ELK3: variants seen among roughly 807,000 people sequenced by gnomAD.
ELK3 encodes ETS transcription factor ELK3.
In ELK3, 10 loss-of-function variants were observed where a neutral mutation model predicts 28.9. The observed-to-expected ratio is 0.35, with a 90% CI of 0.21 to 0.59. The LOEUF is 0.59. ELK3 is among the 20% of genes least tolerant of loss of function. The pLI is 0.82. For synonymous variants in ELK3, 272 were observed against 243.5 expected (o/e 1.12, Z -1.09); for missense variants, 463 against 517.3 (o/e 0.90, Z 1.02).
rs1952054522 is a variant in ELK3 at position 96,268,092 on chromosome 12, T to G, written c.*912T>G. 6.6e-6 allele frequency: 1 copy of G among 152,246 alleles called. No homozygotes were observed. 9.4% of individuals were successfully genotyped at this position (152,246 alleles called of 1,614,324 possible). A position where few individuals can be genotyped will look rare whatever the true frequency, so the allele number is the denominator to read the frequency against. ...GATATATTTACTGTGTCAGTATAAG[T>G]AAGTTGGGGTTCCCCTGGAACTATA... On this transcript the variant is annotated 3_prime_UTR_variant, in exon 5 of 5. Coordinates refer to ENST00000228741, the MANE Select transcript of ELK3 (RefSeq NM_005230.4).
intron 2 of ELK3, among the ~76,000 whole-genome samples, chr12:96,241,426 TTGTGTGTGTGTGTGTGTGTG>T (rs57658963): frequency 6.8e-6 from 1 of 146,348 alleles, no homozygotes; most frequent in African/African-American, 2.5e-5. Context: ...AGTGGAGCGT[TTGTGTGTGTGTGTGTGTGTG>T]TGTGTGTGTG....
At chr12:96,194,963 A>T (rs1359956174) in intron 1 of ELK3, among the ~76,000 whole-genome samples, 1 of 147,988 alleles carries the variant, frequency 6.8e-6, no homozygotes, top group Non-Finnish European at 1.5e-5. Context: ...GGCTGCGGGG[A>T]CCCTGCGCCC....
rs752949234 is a variant in ELK3 at position 96,247,456 on chromosome 12, C to T, written c.724C>T (p.Arg242Trp). The T allele has an allele frequency of 2.5e-6, 4 of 1,614,136 alleles. No individual in the cohort carries two copies. The highest frequency in any genetic ancestry group is 1.1e-5 in the South Asian group (1 of 91,076). ...TTCATCCGCCTCACCCTTCTCATCT[C>T]GGTCCCCGTCCCTGTCCCCCAACTC... The part of the protein sequence containing the change: ...SISSASPFSS[R>W]SPSLSPNSPL... Residue 242 changes from arginine (R) to tryptophan (W), a missense_variant, in exon 3 of 5, where the codon CGG (arginine) becomes TGG (tryptophan). Arg to Trp is a moderately radical substitution (Grantham distance 101). This residue lies in a region of ELK3 where 408 missense variants were observed against 414.8 expected (regional missense o/e 0.98). Coordinates refer to ENST00000228741, the MANE Select transcript of ELK3 (RefSeq NM_005230.4). The surrounding 1 kb of genome is among the most constrained non-coding windows in gnomAD (Gnocchi z 5.5).
chr12:96,209,905 G>A (rs1951564971), intron 1 of ELK3, among the ~76,000 whole-genome samples: 2 of 150,974 alleles, frequency 1.3e-5, no homozygotes, highest in South Asian at 4.2e-4. Flanking sequence ...TAGCTCACAC[G>A]ACTTTTTCTC....
intron 1 of ELK3, chr12:96,222,917 G>T (rs1353372602): frequency 1.9e-5 from 3 of 154,292 alleles, no homozygotes; most frequent in South Asian, 1.8e-4. Flanking sequence ...GAAGGCAAAA[G>T]GGGAGCAGGC....
chr12:96,264,265 G>A (rs1328112302), intron 4 of ELK3, among the ~76,000 whole-genome samples: 3 of 152,168 alleles, frequency 2.0e-5, no homozygotes, highest in Admixed American at 6.5e-5. Context: ...AGGATTACAG[G>A]TGTCAACGAC....
chr12:96,241,344 CTT>C (rs1271236089), intron 2 of ELK3, among the ~76,000 whole-genome samples: 1 of 151,906 alleles, frequency 6.6e-6, no homozygotes, highest in African/African-American at 2.4e-5. Context: ...AATTACAAAA[CTT>C]ATCGAAATAT....
chr12:96,243,291 A>T (rs1005686417), intron 2 of ELK3, among the ~76,000 whole-genome samples: 3 of 150,558 alleles, frequency 2.0e-5, no homozygotes, highest in Non-Finnish European at 3.0e-5. Context: ...CCTTCCTTCC[A>T]CCCCTCTCAG....
rs34644316 is a variant in ELK3, at chr12:96,267,572, C to T, written c.*392C>T. On this transcript the variant is annotated 3_prime_UTR_variant, in exon 5 of 5. Coordinates refer to ENST00000228741, the MANE Select transcript of ELK3 (RefSeq NM_005230.4). The stretch of plus-strand genomic sequence containing the variant: ...GACTATAACCAGTTGTGCCTTCCTT[C>T]GCATTTAATGTAAATGAATGATTTA... 0.052 allele frequency: 8,012 copies of T among 153,580 alleles called. 278 individuals are homozygous for T. The highest frequency in any genetic ancestry group is 0.064 in the Non-Finnish European group (4,378 of 68,702). The allele number at this position is 153,580 out of a possible 1,614,324, so 9.5% of individuals were successfully genotyped here.
At position 96,269,237 on chromosome 12, in the gene ELK3, A is replaced by T. The variant is rs866212710; in HGVS notation, c.*2057A>T. On this transcript the variant is annotated 3_prime_UTR_variant, in exon 5 of 5. Coordinates refer to ENST00000228741, the MANE Select transcript of ELK3 (RefSeq NM_005230.4). ...ATTAGTAAAACAAACAAAACAGATA[A>T]AGACAGCATTTAAAACTGTGTTGTC... The T allele has an allele frequency of 6.6e-6, 1 of 152,232 alleles. No individual in the cohort carries two copies. The highest frequency in any genetic ancestry group is 1.5e-5 in the Non-Finnish European group (1 of 68,046). The allele number at this position is 152,232 out of a possible 1,614,324, so 9.4% of individuals were successfully genotyped here. A position where few individuals can be genotyped will look rare whatever the true frequency, so the allele number is the denominator to read the frequency against.
chr12:96,210,455 G>A (rs1236465466), intron 1 of ELK3, among the ~76,000 whole-genome samples: 1 of 152,082 alleles, frequency 6.6e-6, no homozygotes, highest in African/African-American at 2.4e-5. Context: ...CTCATGATTC[G>A]TTTCGTGATG....
At chr12:96,203,978 T>C (rs1338258112) in intron 1 of ELK3, among the ~76,000 whole-genome samples, 1 of 152,154 alleles carries the variant, frequency 6.6e-6, no homozygotes, top group Non-Finnish European at 1.5e-5. Context: ...AAAGCTCCTC[T>C]ATGCCACTTC....
At chr12:96,266,837 T>C (rs1288292205) in intron 4 of ELK3, among the ~76,000 whole-genome samples, 1 of 152,228 alleles carries the variant, frequency 6.6e-6, no homozygotes, top group Non-Finnish European at 1.5e-5. Context: ...ATATATTTTT[T>C]CCTAGTAGCC....
intron 1 of ELK3, among the ~76,000 whole-genome samples, chr12:96,199,463 C>G (rs1403237038): frequency 6.8e-6 from 1 of 146,798 alleles, no homozygotes; most frequent in African/African-American, 2.6e-5. Context: ...TAGAGCAGCC[C>G]CAGTAAATAA....
At chr12:96,242,007 G>T (rs550152936) in intron 2 of ELK3, among the ~76,000 whole-genome samples, 21 of 152,318 alleles carry the variant, frequency 1.4e-4, no homozygotes, top group Non-Finnish European at 2.6e-4. Context: ...AGAGGGAAGC[G>T]GATGTGTGTA....
chr12:96,227,648 C>CG (rs1951713154), intron 2 of ELK3, among the ~76,000 whole-genome samples: 1 of 152,228 alleles, frequency 6.6e-6, no homozygotes, highest in Admixed American at 6.5e-5. Flanking sequence ...TGTGCCCATG[C>CG]GGTCAGGTTG....
intron 2 of ELK3, among the ~76,000 whole-genome samples, chr12:96,241,455 T>C (rs1951820739): frequency 6.6e-6 from 1 of 151,970 alleles, no homozygotes. Context: ...TGTGTGTGTG[T>C]GTGTACATAT....
At chr12:96,195,627 T>A (rs1037049822) in intron 1 of ELK3, among the ~76,000 whole-genome samples, 1 of 152,096 alleles carries the variant, frequency 6.6e-6, no homozygotes, top group Admixed American at 6.5e-5. Context: ...GCAAGAAATG[T>A]TATTTCAGAA....
chr12:96,258,524 C>T (rs1951969235), intron 3 of ELK3, among the ~76,000 whole-genome samples: 1 of 152,242 alleles, frequency 6.6e-6, no homozygotes, highest in Non-Finnish European at 1.5e-5. Flanking sequence ...TAGCATCCAG[C>T]ATGGTGCAGT....
Sources: gnomAD v4.1 joint callset for allele counts (sites outside exome capture counted in the v4.1 genomes callset) on GRCh38, gnomAD v4.1.1 for gene constraint, gnomAD v4.1.1 regional missense constraint, Gnocchi (gnomAD v3.1) non-coding constraint, MANE v1.5 for transcripts, NCBI Gene and HGNC (gene_info 2026-07-23, HGNC 2026-07-21) for gene names.